The following SMARCA2 variants were observed in gnomAD, a reference collection of about 807,000 sequenced individuals.
The protein encoded by SMARCA2 is SWI/SNF-related matrix-associated actin-dependent regulator of chromatin subfamily A member 2.
SMARCA2 carries 61 observed loss-of-function variants against 199.8 expected under a neutral mutation model. The ratio of observed to expected loss-of-function variants is 0.31; its 90% CI spans 0.25 to 0.38. The LOEUF (loss-of-function observed/expected upper bound fraction) is 0.38. SMARCA2 is among the 10% of genes least tolerant of loss of function. SMARCA2 has a pLI of 1.00. For missense variants in SMARCA2, 1,344 were observed against 2,012.2 expected, an observed-to-expected ratio of 0.67 and a Z score of 6.35; for synonymous variants, 935 against 732.0, an observed-to-expected ratio of 1.28 and a Z score of -4.48.
Position 2,192,904 on chromosome 9 carries a change from A to T in SMARCA2, c.*165A>T. On this transcript the variant is annotated 3_prime_UTR_variant, in exon 34 of 34. Coordinates refer to ENST00000349721, the MANE Select transcript of SMARCA2 (RefSeq NM_003070.5). ...AGACAAACATATGATATCATGGTGT[A>T]AAAAACACACACATACACAAATATT... 1 of 600,840 alleles carries T rather than the reference A, an allele frequency of 1.7e-6. No homozygotes were observed. 37.2% of individuals were successfully genotyped at this position (600,840 alleles called of 1,614,324 possible). A position where few individuals can be genotyped will look rare whatever the true frequency, so the allele number is the denominator to read the frequency against.
chr9:2,105,575 A>G (rs1822718480), intron 23 of SMARCA2, among the ~76,000 whole-genome samples: 1 of 152,098 alleles, frequency 6.6e-6, no homozygotes, highest in South Asian at 2.1e-4. Context: ...CTCCCCTCCA[A>G]ATTACGTAAT....
chr9:2,068,236 G>A (rs912143196), intron 9 of SMARCA2, among the ~76,000 whole-genome samples: 2 of 152,170 alleles, frequency 1.3e-5, no homozygotes, highest in African/African-American at 2.4e-5. Flanking sequence ...TAGATGTAGA[G>A]CCTGATGCTC....
intron 27 of SMARCA2, among the ~76,000 whole-genome samples, chr9:2,157,128 C>G (rs1228692084): frequency 2.0e-5 from 3 of 152,140 alleles, no homozygotes; most frequent in Non-Finnish European, 4.4e-5. Flanking sequence ...AGGACGAGCT[C>G]TATGTTCAAC....
Position 2,170,368 on chromosome 9 carries a change from G to A in SMARCA2, c.4200-51G>A. 1 of 1,611,962 alleles carries A rather than the reference G, an allele frequency of 6.2e-7. No homozygotes were observed. The highest frequency in any genetic ancestry group is 1.7e-4 in the Middle Eastern group (1 of 5,984). Reference sequence around the variant, plus strand: ...AGCCTAGGAAGAAGGAGCCGGGCGGGGACGAGAACCCAGGTCTTCTGACTC... The same window carrying A: ...AGCCTAGGAAGAAGGAGCCGGGCGGAGACGAGAACCCAGGTCTTCTGACTC... On this transcript the variant is annotated intron_variant, in intron 28 of 33. Transcript: ENST00000349721. The surrounding 1 kb of genome is among the most constrained non-coding windows in gnomAD (Gnocchi z 4.7).
At chr9:2,172,361 C>T (rs1300716435) in intron 29 of SMARCA2, among the ~76,000 whole-genome samples, 2 of 150,406 alleles carry the variant, frequency 1.3e-5, no homozygotes, top group Non-Finnish European at 2.9e-5. Flanking sequence ...AGGGATGGGG[C>T]AGGAGTGGAG....
intron 3 of SMARCA2, among the ~76,000 whole-genome samples, chr9:2,037,249 T>C (rs1013862347): frequency 6.6e-6 from 1 of 152,250 alleles, no homozygotes; most frequent in African/African-American, 2.4e-5. Context: ...TTTATTGTTA[T>C]AATAACAACA....
intron 27 of SMARCA2, among the ~76,000 whole-genome samples, chr9:2,124,801 G>A (rs189297312): frequency 2.6e-5 from 4 of 152,268 alleles, no homozygotes; most frequent in Admixed American, 6.5e-5. Flanking sequence ...CTGAGGCCCG[G>A]GTGACTGTTC....
In SMARCA2 at chr9:2,157,627, A is replaced by G. The variant is rs1586766721; in HGVS notation, c.3982-4059A>G. On this transcript the variant is annotated intron_variant, in intron 27 of 33. Coordinates refer to ENST00000349721, the MANE Select transcript of SMARCA2 (RefSeq NM_003070.5). Reference sequence around the variant, plus strand: ...GGATATCTTTAGAATTGCTCCTTTCAGTGTTAAGATGGTTTGTTCCACTGT... The same window carrying G: ...GGATATCTTTAGAATTGCTCCTTTCGGTGTTAAGATGGTTTGTTCCACTGT... The G allele has an allele frequency of 2.5e-5, 9 of 355,446 alleles. No homozygotes were observed. The East Asian group carries it at 3.7e-4, about 15-fold the overall frequency. 22.0% of individuals were successfully genotyped at this position (355,446 alleles called of 1,614,324 possible). A position where few individuals can be genotyped will look rare whatever the true frequency, so the allele number is the denominator to read the frequency against.
chr9:2,150,704 A>T (rs532328532), intron 27 of SMARCA2, among the ~76,000 whole-genome samples: 1 of 151,652 alleles, frequency 6.6e-6, no homozygotes, highest in African/African-American at 2.4e-5. Context: ...TGCTAGGACT[A>T]CCATTATAAA....
In SMARCA2 at chr9:2,099,229, T is replaced by C. The variant is rs1463214025; in HGVS notation, c.3078+1758T>C. ...CCAATGAATTGGTGGTGGGTGTATG[T>C]TGGGTTTAGAGGAGCTGGGAGAAAA... On this transcript the variant is annotated intron_variant, in intron 21 of 33. Coordinates refer to ENST00000349721, the MANE Select transcript of SMARCA2 (RefSeq NM_003070.5). 2.0e-5 allele frequency among the ~76,000 whole-genome samples: 3 copies of C among 152,262 alleles called. No homozygotes were observed. In the East Asian group the frequency reaches 5.8e-4, roughly 29 times the overall value.
chr9:2,124,589 A>G lies in SMARCA2; in HGVS notation c.3981+652A>G, dbSNP rs542611416. Reference sequence around the variant, plus strand: ...TGTCTACATGCTCGATTTCCGCTTGATCTGATCTGTCCATCACAAACACAG... The same window carrying G: ...TGTCTACATGCTCGATTTCCGCTTGGTCTGATCTGTCCATCACAAACACAG... On this transcript the variant is annotated intron_variant, in intron 27 of 33. Transcript: ENST00000349721. Among the ~76,000 whole-genome samples, 113 of 152,240 alleles carry G rather than the reference A, an allele frequency of 7.4e-4. 1 individual carries two copies. Among genetic ancestry groups the G allele is most frequent in the African/African-American group, 2.6e-3 (108 of 41,554 alleles).
rs574947639 is a variant in SMARCA2, at chr9:2,026,015, G to A, written c.-36-2972G>A. 3.3e-5 allele frequency among the ~76,000 whole-genome samples: 5 copies of A among 152,246 alleles called. No individual in the cohort carries two copies. In the South Asian group the frequency reaches 1.0e-3, roughly 32 times the overall value. On this transcript the variant is annotated intron_variant, in intron 1 of 33. Transcript: ENST00000349721. Reference sequence around the variant, plus strand: ...GGCAGCAGGCATCAAGTCACGGATGGACAGCTGGAAGGGACCTTTGAGATA... The same window carrying A: ...GGCAGCAGGCATCAAGTCACGGATGAACAGCTGGAAGGGACCTTTGAGATA...
rs1554642562 is a variant in SMARCA2, at chr9:2,176,182, G to GTTTTTTTTTTTTTTGTTTTTTT, written c.4254-5375_4254-5374insGTTTTTTTTTTTTTTTTTTTTT. Among the ~76,000 whole-genome samples, 23 of 104,142 alleles carry GTTTTTTTTTTTTTTGTTTTTTT rather than the reference G, an allele frequency of 2.2e-4. 1 individual carries two copies. The highest frequency in any genetic ancestry group is 7.4e-4 in the African/African-American group (20 of 26,868). 68.3% of individuals were successfully genotyped at this position (104,142 alleles called of 152,430 possible). ...AGGCATGAGCCACCGCGCCCGGCCTGTTTTTTTTTTTTTTTTTTTTTATAA... is the reference window on the plus strand; with the variant it reads ...AGGCATGAGCCACCGCGCCCGGCCTGTTTTTTTTTTTTTTGTTTTTTTTTTTTTTTTTTTTTTTTTTTTATAA... On this transcript the variant is annotated intron_variant, in intron 29 of 33. Transcript: ENST00000349721.
chr9:2,047,334 C>A lies in SMARCA2; in HGVS notation c.896C>A (p.Ala299Glu). 8.4e-7 allele frequency: 1 copy of A among 1,196,830 alleles called. No homozygotes were observed. The allele number at this position is 1,196,830 out of a possible 1,614,324, so 74.1% of individuals were successfully genotyped here. A position where few individuals can be genotyped will look rare whatever the true frequency, so the allele number is the denominator to read the frequency against. Residue 299 changes from alanine (A) to glutamate (E), a missense_variant, in exon 5 of 34, where the codon GCG becomes GAG. By Grantham distance (107) the Ala-to-Glu change is moderately radical (BLOSUM62 -1). Coordinates refer to ENST00000349721, the MANE Select transcript of SMARCA2 (RefSeq NM_003070.5). ...CCCCCCGCAGCCGCGCAGCCGCCCGCGGCCGCAGTGCCCGGGCCCTCAGTG... is the reference window on the plus strand; with the variant it reads ...CCCCCCGCAGCCGCGCAGCCGCCCGAGGCCGCAGTGCCCGGGCCCTCAGTG... ...PAPPAAAQPPAAAVPGPSVPQ... is the reference protein window; with the variant it reads ...PAPPAAAQPPEAAVPGPSVPQ...
chr9:2,034,959 A>C (rs1036991365), intron 3 of SMARCA2, among the ~76,000 whole-genome samples: 3 of 152,216 alleles, frequency 2.0e-5, no homozygotes, highest in Non-Finnish European at 4.4e-5. Flanking sequence ...TTCCAGGCTT[A>C]TCATTTACAT....
intron 28 of SMARCA2, among the ~76,000 whole-genome samples, chr9:2,167,148 G>A (rs1030703700): frequency 6.6e-6 from 1 of 152,204 alleles, no homozygotes; most frequent in African/African-American, 2.4e-5. Context: ...TTTCCTAAAT[G>A]TTATTAGCAG....
rs73389127 is a variant in SMARCA2, at chr9:2,088,703, A to C, written c.2883+90A>C. On this transcript the variant is annotated intron_variant, in intron 19 of 33. Coordinates refer to ENST00000349721, the MANE Select transcript of SMARCA2 (RefSeq NM_003070.5). ...GCCTCTGAAATTGTGTTTCTGAAAC[A>C]GCAGACTCATATTGTAGTTAATAGT... 10,343 of 875,504 alleles carry C rather than the reference A, an allele frequency of 0.012. 135 individuals are homozygous for C. Among genetic ancestry groups the C allele is most frequent in the African/African-American group, 0.055 (3,197 of 58,582 alleles). 54.2% of individuals were successfully genotyped at this position (875,504 alleles called of 1,614,324 possible).
At chr9:2,062,848 G>A (rs183801289) in intron 9 of SMARCA2, among the ~76,000 whole-genome samples, 1 of 152,244 alleles carries the variant, frequency 6.6e-6, no homozygotes, top group East Asian at 1.9e-4. Flanking sequence ...GAGAAAGAGA[G>A]GCTAGACAGA....
At chr9:2,164,575 A>G (rs1825849390) in intron 28 of SMARCA2, among the ~76,000 whole-genome samples, 1 of 152,170 alleles carries the variant, frequency 6.6e-6, no homozygotes, top group African/African-American at 2.4e-5. Flanking sequence ...TCAGACTTTG[A>G]GGCTAATCAG....
Sources: allele counts gnomAD v4.1 joint callset (sites outside exome capture counted in the v4.1 genomes callset), GRCh38; gene constraint gnomAD v4.1.1; non-coding constraint Gnocchi (gnomAD v3.1); transcripts MANE v1.5; gene names NCBI Gene and HGNC (gene_info 2026-07-23, HGNC 2026-07-21).